Variants in DPP4 observed in about 807,000 individuals in gnomAD.
DPP4 encodes the protein ADCP-2.
Under a neutral mutation model 122.4 loss-of-function variants are expected in DPP4, and 93 were observed. The ratio of observed to expected loss-of-function variants is 0.76; its 90% confidence interval spans 0.64 to 0.90. The LOEUF is 0.90. Ranked by LOEUF, DPP4 falls within the 40% of genes least tolerant of loss-of-function variation. The pLI is 0.00. For missense variants in DPP4, 914 were observed against 907.3 expected (o/e 1.01, Z -0.09); for synonymous variants, 321 against 302.9 (o/e 1.06, Z -0.62).
intron 2 of DPP4, among the ~76,000 whole-genome samples, chr2:162,052,739 G>A (rs1197027906): frequency 6.6e-6 from 1 of 152,154 alleles, no homozygotes; most frequent in Non-Finnish European, 1.5e-5. Flanking sequence ...ACACAATTCT[G>A]GCGAGGGCTC....
intron 9 of DPP4, among the ~76,000 whole-genome samples, chr2:162,034,534 G>T (rs1683695648): frequency 6.6e-6 from 1 of 152,136 alleles, no homozygotes; most frequent in African/African-American, 2.4e-5. Flanking sequence ...CAATACTGTA[G>T]CCATTATTAT....
chr2:162,062,297 A>G (rs1183143678), intron 2 of DPP4, among the ~76,000 whole-genome samples: 1 of 152,128 alleles, frequency 6.6e-6, no homozygotes, highest in Non-Finnish European at 1.5e-5. Flanking sequence ...AAATAAATAA[A>G]TAATAAATTA....
In DPP4 at chr2:162,044,415, TGTGAGTGTTGGTGG is replaced by T. The variant is rs1168739959; in HGVS notation, c.366+1103_366+1116del. On this transcript the variant is annotated intron_variant, in intron 5 of 25. Coordinates refer to ENST00000360534, the MANE Select transcript of DPP4 (RefSeq NM_001935.4). Reference sequence around the variant, plus strand: ...CAGTGTTGGTGTGTGAGTGTTGGTGTGTGAGTGTTGGTGGGTGAGTGTTGGTGTGTGAGCGTTGG... The same window carrying T: ...CAGTGTTGGTGTGTGAGTGTTGGTGTGTGAGTGTTGGTGTGTGAGCGTTGG... 3.9e-3 allele frequency among the ~76,000 whole-genome samples: 592 copies of T among 151,606 alleles called. 4 individuals are homozygous for T. Among genetic ancestry groups the T allele is most frequent in the Non-Finnish European group, 6.5e-3 (440 of 67,848 alleles).
intron 5 of DPP4, among the ~76,000 whole-genome samples, chr2:162,044,359 G>C (rs1005301051): frequency 6.6e-6 from 1 of 152,074 alleles, no homozygotes; most frequent in Non-Finnish European, 1.5e-5. Context: ...GGTAAATGCA[G>C]TAGGGAATGG....
chr2:162,024,442 T>C (rs567712127), intron 11 of DPP4, among the ~76,000 whole-genome samples: 11 of 152,362 alleles, frequency 7.2e-5, no homozygotes, highest in South Asian at 6.2e-4. Flanking sequence ...TTATTCCCCA[T>C]TCCCTACATT....
At chr2:162,045,103 T>C (rs1481776593) in intron 5 of DPP4, among the ~76,000 whole-genome samples, 1 of 151,916 alleles carries the variant, frequency 6.6e-6, no homozygotes, top group African/African-American at 2.4e-5. Context: ...GCTGGGACTA[T>C]AGGTGCATGC....
intron 23 of DPP4, among the ~76,000 whole-genome samples, chr2:162,003,179 T>C (rs1701194617): frequency 6.6e-6 from 1 of 152,092 alleles, no homozygotes. Flanking sequence ...AAGAGTGACT[T>C]TGTGCACCCA....
At chr2:162,069,807 T>C (rs1171705153) in intron 2 of DPP4, among the ~76,000 whole-genome samples, 1 of 152,222 alleles carries the variant, frequency 6.6e-6, no homozygotes, top group Non-Finnish European at 1.5e-5. Context: ...CCTGTCTCCT[T>C]CACATTTGGG....
At chr2:162,044,571 G>A (rs1318002774) in intron 5 of DPP4, among the ~76,000 whole-genome samples, 1 of 152,078 alleles carries the variant, frequency 6.6e-6, no homozygotes, top group Non-Finnish European at 1.5e-5. Context: ...CCCCAGCTTT[G>A]TATTTTGCTT....
chr2:162,068,450 A>C (rs1331419652), intron 2 of DPP4, among the ~76,000 whole-genome samples: 3 of 152,166 alleles, frequency 2.0e-5, no homozygotes, highest in African/African-American at 7.2e-5. Context: ...TTTGATAGTC[A>C]TTGGAGCCAG....
chr2:162,063,963 G>T (rs1318230719), intron 2 of DPP4, among the ~76,000 whole-genome samples: 1 of 152,162 alleles, frequency 6.6e-6, no homozygotes, highest in Non-Finnish European at 1.5e-5. Context: ...AGGCAAAAGG[G>T]ATGGGACCCA....
intron 2 of DPP4, among the ~76,000 whole-genome samples, chr2:162,056,119 T>C (rs1185931760): frequency 2.0e-5 from 3 of 152,222 alleles, no homozygotes; most frequent in Non-Finnish European, 4.4e-5. Context: ...TGCAGCCTTC[T>C]TCCCCATGGA....
At chr2:162,044,755 A>C (rs999219156) in intron 5 of DPP4, among the ~76,000 whole-genome samples, 4 of 152,034 alleles carry the variant, frequency 2.6e-5, no homozygotes, top group Non-Finnish European at 4.4e-5. Flanking sequence ...ACCTTTCCTG[A>C]ATGTGTGAGG....
chr2:162,009,078 G>A (rs1341456294), intron 21 of DPP4, among the ~76,000 whole-genome samples, 163 bp downstream of exon 21: 1 of 151,974 alleles, frequency 6.6e-6, no homozygotes, highest in Non-Finnish European at 1.5e-5. Context: ...AAACAAAGGT[G>A]TAAGCCTAAC....
intron 2 of DPP4, 70 bp downstream of exon 2, chr2:162,073,329 C>T (rs1685184165): frequency 6.6e-7 from 1 of 1,522,000 alleles, no homozygotes; most frequent in Admixed American, 1.7e-5. Flanking sequence ...CCTCGTTTCC[C>T]TTAGCGTGGT....
intron 11 of DPP4, 135 bp from the exon 12 acceptor site, chr2:162,022,934 T>C: frequency 1.1e-6 from 1 of 911,250 alleles, no homozygotes; most frequent in South Asian, 1.5e-5. Context: ...TTTCTATTTA[T>C]GTTAGTATTT....
chr2:162,070,770 T>C (rs994000325), intron 2 of DPP4, among the ~76,000 whole-genome samples: 10 of 152,236 alleles, frequency 6.6e-5, no homozygotes, highest in Non-Finnish European at 1.3e-4. Context: ...TGAGCTTTTA[T>C]CTTTATTCCT....
At chr2:162,023,783 T>A (rs2106106235) in intron 11 of DPP4, among the ~76,000 whole-genome samples, 1 of 152,366 alleles carries the variant, frequency 6.6e-6, no homozygotes, top group African/African-American at 2.4e-5. Flanking sequence ...GAATTCTGAC[T>A]GTGCCCTGTG....
At position 162,020,303 on chromosome 2, in the gene DPP4, G is replaced by A. The variant is rs199965664; in HGVS notation, c.1177-7C>T. Reference sequence around the variant, plus strand: ...TTGTAATAAATGTGCAGTCCTGATGGTTTTTTTTTTTTTTCAAAAAAAAAA... The same window carrying A: ...TTGTAATAAATGTGCAGTCCTGATGATTTTTTTTTTTTTTCAAAAAAAAAA... On this transcript the variant is annotated splice_polypyrimidine_tract_variant and splice_region_variant and intron_variant, in intron 13 of 25. Transcript: ENST00000360534. The A allele has an allele frequency of 1.7e-6, 2 of 1,191,346 alleles. No homozygotes were observed. Among genetic ancestry groups the A allele is most frequent in the African/African-American group, 1.8e-5 (1 of 54,266 alleles). 73.8% of individuals were successfully genotyped at this position (1,191,346 alleles called of 1,614,324 possible).
Sources: gnomAD v4.1 joint callset for allele counts (sites outside exome capture counted in the v4.1 genomes callset) on GRCh38, gnomAD v4.1.1 for gene constraint, MANE v1.5 for transcripts, NCBI Gene and HGNC (gene_info 2026-07-23, HGNC 2026-07-21) for gene names.